RFX3: variants seen among roughly 807,000 people sequenced by gnomAD.
RFX3 encodes the protein regulatory factor X3, also known as transcription factor RFX3.
Under a neutral mutation model 98.6 loss-of-function variants are expected in RFX3, and 14 were observed. The ratio of observed to expected loss-of-function variants is 0.14; its 90% CI spans 0.09 to 0.22. RFX3 has a LOEUF of 0.22. Among genes scored for constraint, RFX3 ranks in the 10% least tolerant of loss-of-function variants. RFX3 has a pLI of 1.00. For missense variants in RFX3, 639 were observed against 926.9 expected (o/e 0.69, Z 4.03); for synonymous variants, 383 against 328.4 (o/e 1.17, Z -1.80).
rs965078783 is a variant in RFX3 at position 3,247,251 on chromosome 9, C to T, written c.1968+781G>A. 8.8e-5 allele frequency: 74 copies of T among 839,010 alleles called. No individual in the cohort carries two copies. The African/African-American group carries it at 3.5e-3, about 40-fold the overall frequency. 52.0% of individuals were successfully genotyped at this position (839,010 alleles called of 1,614,324 possible). Reference sequence around the variant, plus strand: ...TCTATTCCTCATTATATTAACCAGCCCTTGTTATATTCAGAGTTTAAGCTT... The same window carrying T: ...TCTATTCCTCATTATATTAACCAGCTCTTGTTATATTCAGAGTTTAAGCTT... On this transcript the variant is annotated intron_variant, in intron 15 of 16. Coordinates refer to ENST00000617270, the MANE Select transcript of RFX3 (RefSeq NM_001282116.2).
intron 1 of RFX3, among the ~76,000 whole-genome samples, chr9:3,448,959 T>C (rs1444856364): frequency 1.3e-5 from 2 of 152,198 alleles, no homozygotes; most frequent in African/African-American, 2.4e-5. Flanking sequence ...TTTGCACCTA[T>C]GCTACACCTT....
At chr9:3,391,414 T>C (rs1587474654) in intron 2 of RFX3, among the ~76,000 whole-genome samples, 1 of 152,058 alleles carries the variant, frequency 6.6e-6, no homozygotes, top group East Asian at 1.9e-4. Flanking sequence ...TCCAGGCAAA[T>C]ATCACAACAA....
chr9:3,274,526 A>T (rs1353059578), intron 9 of RFX3, among the ~76,000 whole-genome samples: 2 of 152,168 alleles, frequency 1.3e-5, no homozygotes, highest in Non-Finnish European at 2.9e-5. Context: ...CAGACAATGA[A>T]GCAAATTCTG....
At chr9:3,251,146 AT>A (rs1192358026) in intron 14 of RFX3, among the ~76,000 whole-genome samples, 1 of 152,036 alleles carries the variant, frequency 6.6e-6, no homozygotes, top group Non-Finnish European at 1.5e-5. Context: ...GACGTTAAAC[AT>A]TATGTTTCTG....
chr9:3,525,824 G>T lies in RFX3; in HGVS notation c.-86C>A. 1.1e-6 allele frequency: 1 copy of T among 937,012 alleles called. No homozygotes were observed. The highest frequency in any genetic ancestry group is 1.3e-6 in the Non-Finnish European group (1 of 784,872). 58.0% of individuals were successfully genotyped at this position (937,012 alleles called of 1,614,324 possible). On this transcript the variant is annotated 5_prime_UTR_variant, in exon 1 of 17. Transcript: ENST00000617270. ...TGGGGAGGAGGAGGAGGAAGAGGAG[G>T]AGGAGGAGGAGAGGAGTAGTTGTTG... is the stretch of plus-strand genomic sequence containing the variant.
At chr9:3,247,666 AT>A in intron 15 of RFX3, 1 of 1,441,310 alleles carries the variant, frequency 6.9e-7, no homozygotes. Flanking sequence ...CAAAATACAT[AT>A]TTAATCCTTT....
intron 2 of RFX3, among the ~76,000 whole-genome samples, chr9:3,393,585 G>T (rs1289011715): frequency 6.8e-6 from 1 of 147,060 alleles, no homozygotes; most frequent in Non-Finnish European, 1.5e-5. Flanking sequence ...TGTCTGAATT[G>T]TTCTTTACTT....
intron 2 of RFX3, among the ~76,000 whole-genome samples, chr9:3,352,690 A>T (rs1190756645): frequency 1.3e-5 from 2 of 152,058 alleles, no homozygotes; most frequent in African/African-American, 4.8e-5. Flanking sequence ...AATATGTAAA[A>T]TGATGTTTTC....
chr9:3,376,079 A>G (rs1342442674), intron 2 of RFX3, among the ~76,000 whole-genome samples: 1 of 152,222 alleles, frequency 6.6e-6, no homozygotes, highest in African/African-American at 2.4e-5. Context: ...CAATAAGCAC[A>G]TAAGAAGATA....
At chr9:3,339,946 T>A (rs1421277719) in intron 3 of RFX3, among the ~76,000 whole-genome samples, 1 of 151,982 alleles carries the variant, frequency 6.6e-6, no homozygotes, top group Non-Finnish European at 1.5e-5. Flanking sequence ...CATTGGCAAG[T>A]CAATCCTAAG....
chr9:3,482,717 G>C (rs918410439), intron 1 of RFX3, among the ~76,000 whole-genome samples: 2 of 152,110 alleles, frequency 1.3e-5, no homozygotes, highest in African/African-American at 4.8e-5. Context: ...TATTAGAACT[G>C]GGAATTTACT....
At position 3,444,689 on chromosome 9, in the gene RFX3, C is replaced by T. The variant is rs150777009; in HGVS notation, c.-8-49093G>A. ...CTCAAAAAAGGAATCCTGGCATTTG[C>T]CAAACAGCTGATGGCACAGCAAGTA... On this transcript the variant is annotated intron_variant, in intron 1 of 16. Transcript: ENST00000617270. Among the ~76,000 whole-genome samples the T allele has an allele frequency of 4.8e-3, 737 of 152,264 alleles. 1 individual carries two copies. Among genetic ancestry groups the T allele is most frequent in the Non-Finnish European group, 8.6e-3 (588 of 68,008 alleles).
chr9:3,320,570 C>CAA (rs76501681), intron 4 of RFX3, among the ~76,000 whole-genome samples: 1 of 134,956 alleles, frequency 7.4e-6, no homozygotes. Context: ...TAAAAAAAAA[C>CAA]AAAAAAAAAA....
intron 2 of RFX3, among the ~76,000 whole-genome samples, chr9:3,358,692 C>G (rs1222230529): frequency 3.3e-5 from 5 of 152,022 alleles, no homozygotes; most frequent in African/African-American, 1.2e-4. Context: ...TTCATTCTCA[C>G]ACTGCTATGA....
At chr9:3,496,661 C>T (rs1432066006) in intron 1 of RFX3, among the ~76,000 whole-genome samples, 1 of 151,884 alleles carries the variant, frequency 6.6e-6, no homozygotes, top group African/African-American at 2.4e-5. Flanking sequence ...GGTAATATTC[C>T]CATTTTTACA....
At chr9:3,488,873 AAC>A in intron 1 of RFX3, 4 of 985,010 alleles carry the variant, frequency 4.1e-6, no homozygotes, top group Non-Finnish European at 4.8e-6. Context: ...TTCCCAAAGA[AAC>A]TAGAGTATCC....
chr9:3,453,833 T>A (rs778894714), intron 1 of RFX3: 1 of 152,182 alleles, frequency 6.6e-6, no homozygotes, highest in South Asian at 2.1e-4. Flanking sequence ...TTTGGCATTA[T>A]CCCAGAAGAT....
At chr9:3,402,433 C>A (rs1389866932) in intron 1 of RFX3, among the ~76,000 whole-genome samples, 1 of 151,822 alleles carries the variant, frequency 6.6e-6, no homozygotes. Flanking sequence ...CCGAATTAAC[C>A]AAAATTATTA....
intron 1 of RFX3, among the ~76,000 whole-genome samples, chr9:3,519,780 G>A (rs866539703): frequency 3.4e-4 from 52 of 152,068 alleles, no homozygotes; most frequent in Middle Eastern, 6.8e-3. Flanking sequence ...CTCTAAACAC[G>A]TTTCCATTTT....
Sources: allele counts gnomAD v4.1 joint callset (sites outside exome capture counted in the v4.1 genomes callset), GRCh38; gene constraint gnomAD v4.1.1; transcripts MANE v1.5; gene names NCBI Gene and HGNC (gene_info 2026-07-23, HGNC 2026-07-21).